Variants in RBFOX1 observed in about 807,000 individuals in gnomAD.
The protein encoded by RBFOX1 is RNA binding protein fox-1 homolog 1.
RBFOX1 carries 8 observed loss-of-function variants against 57.7 expected under a neutral mutation model. That is an observed-to-expected ratio of 0.14 (90% CI 0.08 to 0.25). RBFOX1 has a LOEUF of 0.25. RBFOX1 is among the 10% of genes least tolerant of loss of function. The pLI is 1.00. For missense variants in RBFOX1, 611 were observed against 548.5 expected (o/e 1.11, Z -1.14); for synonymous variants, 326 against 222.4 (o/e 1.47, Z -4.15).
At position 6,962,197 on chromosome 16, in the gene RBFOX1, C is replaced by A. The variant is rs77555984; in HGVS notation, c.-15-89860C>A. 5.2e-3 allele frequency among the ~76,000 whole-genome samples: 792 copies of A among 152,226 alleles called. 3 individuals carry two copies. The highest frequency in any genetic ancestry group is 0.018 in the African/African-American group (747 of 41,544). On this transcript the variant is annotated intron_variant, in intron 3 of 15. Transcript: ENST00000550418. Reference sequence around the variant, plus strand: ...CTCCTTGGTTTATGGCAGAATGACTCCAACTCTGCTTGTTTGCACATGGCC... The same window carrying A: ...CTCCTTGGTTTATGGCAGAATGACTACAACTCTGCTTGTTTGCACATGGCC...
chr16:6,745,939 A>T (rs931654975), intron 3 of RBFOX1, among the ~76,000 whole-genome samples: 15 of 152,246 alleles, frequency 9.9e-5, no homozygotes, highest in African/African-American at 3.4e-4. Context: ...AAGTTGCAGG[A>T]TGCAGTATCA....
intron 3 of RBFOX1, among the ~76,000 whole-genome samples, chr16:5,755,252 AG>A (rs1173936805): frequency 6.7e-6 from 1 of 148,506 alleles, no homozygotes; most frequent in Non-Finnish European, 1.5e-5. Flanking sequence ...CAGAATCTCA[AG>A]GCAGAAGAAT....
At chr16:7,053,393 C>G (rs2050780002) in intron 4 of RBFOX1, among the ~76,000 whole-genome samples, 1 of 152,092 alleles carries the variant, frequency 6.6e-6, no homozygotes, top group Admixed American at 6.6e-5. Flanking sequence ...TGTCTTACTG[C>G]TTTTTTCCTG....
intron 3 of RBFOX1, among the ~76,000 whole-genome samples, chr16:6,829,300 A>G (rs1267324138): frequency 2.0e-5 from 3 of 152,082 alleles, no homozygotes; most frequent in Non-Finnish European, 2.9e-5. Context: ...TACTTTTAGG[A>G]ATTTAATCTA....
In RBFOX1 at chr16:6,693,946, T is replaced by G. The variant is rs181498381; in HGVS notation, c.-16+39296T>G. 5.3e-5 allele frequency among the ~76,000 whole-genome samples: 8 copies of G among 152,350 alleles called. No homozygotes were observed. In the East Asian group the frequency reaches 1.5e-3, roughly 29 times the overall value. On this transcript the variant is annotated intron_variant, in intron 3 of 15. Coordinates refer to ENST00000550418, the MANE Select transcript of RBFOX1 (RefSeq NM_018723.4). Reference sequence around the variant, plus strand: ...GTTTACCCATATGAAGTAGACACTATTATTTCTCCTATTTTACAGATGACA... The same window carrying G: ...GTTTACCCATATGAAGTAGACACTAGTATTTCTCCTATTTTACAGATGACA...
At chr16:6,909,619 C>G (rs979773573) in intron 3 of RBFOX1, among the ~76,000 whole-genome samples, 3 of 152,230 alleles carry the variant, frequency 2.0e-5, no homozygotes, top group Admixed American at 6.5e-5. Flanking sequence ...CAAGCCTGTT[C>G]TCTCTTTTAC....
chr16:6,200,412 T>C (rs1024177736), intron 1 of RBFOX1, among the ~76,000 whole-genome samples: 5 of 151,962 alleles, frequency 3.3e-5, no homozygotes, highest in Non-Finnish European at 7.4e-5. Flanking sequence ...AAGAGAGAAA[T>C]GAAATCAAAT....
intron 2 of RBFOX1, among the ~76,000 whole-genome samples, chr16:6,472,327 G>A (rs1355270703): frequency 6.6e-6 from 1 of 152,170 alleles, no homozygotes; most frequent in Admixed American, 6.5e-5. Context: ...TGGTGGAGAT[G>A]CTGGCTGCAC....
At chr16:6,989,629 G>T (rs1024776099) in intron 3 of RBFOX1, among the ~76,000 whole-genome samples, 1 of 152,172 alleles carries the variant, frequency 6.6e-6, no homozygotes, top group African/African-American at 2.4e-5. Flanking sequence ...TATCTCTGCA[G>T]ACTGTCTGGA....
intron 1 of RBFOX1, among the ~76,000 whole-genome samples, chr16:6,109,514 A>G (rs1178133331): frequency 6.6e-6 from 1 of 152,178 alleles, no homozygotes; most frequent in Admixed American, 6.5e-5. Flanking sequence ...TATTTGTTGT[A>G]AAAAACTCTT....
At chr16:5,879,853 A>G (rs1314622007) in intron 4 of RBFOX1, among the ~76,000 whole-genome samples, 1 of 152,144 alleles carries the variant, frequency 6.6e-6, no homozygotes, top group East Asian at 1.9e-4. Context: ...TCACTCTGGC[A>G]GGGGAAGAAA....
At chr16:7,122,222 T>A (rs1444852016) in intron 4 of RBFOX1, among the ~76,000 whole-genome samples, 1 of 152,022 alleles carries the variant, frequency 6.6e-6, no homozygotes, top group East Asian at 1.9e-4. Context: ...AATACAAGAA[T>A]CTGTAAAGAA....
intron 3 of RBFOX1, among the ~76,000 whole-genome samples, chr16:7,027,474 C>T (rs989744100): frequency 2.6e-5 from 4 of 151,858 alleles, no homozygotes; most frequent in African/African-American, 7.3e-5. Flanking sequence ...AGGTAACTTG[C>T]CCAAGGTCAG....
chr16:5,971,765 G>A (rs183215505), intron 4 of RBFOX1, among the ~76,000 whole-genome samples: 1 of 152,180 alleles, frequency 6.6e-6, no homozygotes, highest in African/African-American at 2.4e-5. Context: ...TTAATTTTAT[G>A]TGTCAAGCTG....
intron 2 of RBFOX1, among the ~76,000 whole-genome samples, chr16:6,365,453 T>G (rs1351103718): frequency 7.2e-6 from 1 of 139,284 alleles, no homozygotes; most frequent in Admixed American, 7.0e-5. Context: ...GATGGGTGGA[T>G]GGGTGAATGG....
chr16:5,394,827 G>C (rs550411413), intron 1 of RBFOX1, among the ~76,000 whole-genome samples: 1 of 152,248 alleles, frequency 6.6e-6, no homozygotes, highest in East Asian at 1.9e-4. Flanking sequence ...TGGGATTACA[G>C]GTTTGAGCCG....
At chr16:6,478,335 G>C (rs1369359224) in intron 2 of RBFOX1, among the ~76,000 whole-genome samples, 5 of 126,822 alleles carry the variant, frequency 3.9e-5, no homozygotes, top group African/African-American at 1.5e-4. Context: ...CGATTCTCCT[G>C]CCTCAGCCTC....
At chr16:6,177,456 A>G (rs1055413531) in intron 1 of RBFOX1, among the ~76,000 whole-genome samples, 1 of 152,028 alleles carries the variant, frequency 6.6e-6, no homozygotes, top group Non-Finnish European at 1.5e-5. Flanking sequence ...GGTGGTGTGC[A>G]TATCATGTGA....
chr16:5,667,634 C>T (rs1226988485), intron 3 of RBFOX1, among the ~76,000 whole-genome samples: 5 of 152,156 alleles, frequency 3.3e-5, no homozygotes, highest in Non-Finnish European at 7.4e-5. Flanking sequence ...AACAAACTCT[C>T]TTTGGATTTT....
Sources: gnomAD v4.1 joint callset for allele counts (sites outside exome capture counted in the v4.1 genomes callset) on GRCh38, gnomAD v4.1.1 for gene constraint, MANE v1.5 for transcripts, NCBI Gene and HGNC (gene_info 2026-07-23, HGNC 2026-07-21) for gene names.